The following AGBL4 variants were observed in gnomAD, a reference collection of about 807,000 sequenced individuals.
The protein encoded by AGBL4 is AGBL carboxypeptidase 4.
Under a neutral mutation model 66.4 loss-of-function variants are expected in AGBL4, and 58 were observed. The observed-to-expected ratio is 0.87, with a 90% CI of 0.71 to 1.09. The LOEUF (loss-of-function observed/expected upper bound fraction) is 1.09. AGBL4 is among the 50% of genes least tolerant of loss of function. The pLI, the probability that AGBL4 is intolerant of heterozygous loss-of-function variation, is 0.00. For missense variants in AGBL4, 579 were observed against 631.0 expected (o/e 0.92, Z 0.88); for synonymous variants, 234 against 222.9 (o/e 1.05, Z -0.44).
intron 5 of AGBL4, among the ~76,000 whole-genome samples, chr1:48,935,869 G>T (rs1427301102): frequency 7.1e-6 from 1 of 141,308 alleles, no homozygotes; most frequent in African/African-American, 2.6e-5. Flanking sequence ...TGAGGCAGGA[G>T]AATCGCTTGA....
chr1:49,249,999 A>C (rs1424026856), intron 3 of AGBL4, among the ~76,000 whole-genome samples: 2 of 152,224 alleles, frequency 1.3e-5, no homozygotes, highest in Non-Finnish European at 2.9e-5. Flanking sequence ...GCATGTTTTC[A>C]CTCAGATGTG....
At chr1:48,640,663 G>A (rs779261636) in intron 8 of AGBL4, among the ~76,000 whole-genome samples, 1 of 152,104 alleles carries the variant, frequency 6.6e-6, no homozygotes, top group Non-Finnish European at 1.5e-5. Context: ...TTGAACCCAG[G>A]TCTTGTTGAT....
At chr1:48,922,126 A>G (rs72895626) in intron 5 of AGBL4, among the ~76,000 whole-genome samples, 16,405 of 152,172 alleles carry the variant, frequency 0.11, 980 homozygotes, top group African/African-American at 0.13. Context: ...TGTGATTATC[A>G]ACTCTTCTCT....
chr1:49,946,066 C>T (rs562759213), intron 1 of AGBL4, among the ~76,000 whole-genome samples: 1 of 152,058 alleles, frequency 6.6e-6, no homozygotes, highest in South Asian at 2.1e-4. Flanking sequence ...AAAACAATTA[C>T]TACTAGATCT....
chr1:49,636,840 G>A (rs539703588), intron 3 of AGBL4, among the ~76,000 whole-genome samples: 1 of 152,242 alleles, frequency 6.6e-6, no homozygotes, highest in African/African-American at 2.4e-5. Context: ...TTAATACTGA[G>A]TGTCAACTTG....
intron 3 of AGBL4, among the ~76,000 whole-genome samples, chr1:49,541,153 G>T (rs1031752296): frequency 7.9e-5 from 12 of 152,208 alleles, no homozygotes; most frequent in African/African-American, 2.9e-4. Context: ...TACCTGGACT[G>T]TATTTGTGAG....
chr1:49,692,382 G>C (rs1305303117), intron 3 of AGBL4, among the ~76,000 whole-genome samples: 1 of 152,084 alleles, frequency 6.6e-6, no homozygotes, highest in Non-Finnish European at 1.5e-5. Flanking sequence ...CCATGGCCAG[G>C]ATGAAATTTC....
chr1:49,588,321 T>A (rs934473031), intron 3 of AGBL4, among the ~76,000 whole-genome samples: 1 of 152,212 alleles, frequency 6.6e-6, no homozygotes, highest in African/African-American at 2.4e-5. Context: ...TATTTGTGGA[T>A]GCTATAATTT....
chr1:48,793,645 A>T (rs1645603017), intron 6 of AGBL4, among the ~76,000 whole-genome samples: 1 of 152,182 alleles, frequency 6.6e-6, no homozygotes, highest in South Asian at 2.1e-4. Context: ...AACTCCACGG[A>T]CTGTTGCCAC....
chr1:49,860,662 G>A (rs1417889449), intron 1 of AGBL4, among the ~76,000 whole-genome samples: 1 of 152,060 alleles, frequency 6.6e-6, no homozygotes, highest in African/African-American at 2.4e-5. Context: ...TTGTGCCACT[G>A]CACTCCAGCC....
chr1:49,694,087 G>A (rs778294221), intron 3 of AGBL4, among the ~76,000 whole-genome samples: 1 of 152,046 alleles, frequency 6.6e-6, no homozygotes, highest in Non-Finnish European at 1.5e-5. Flanking sequence ...CAATATATTT[G>A]ATGCTGCAAT....
At position 48,533,076 on chromosome 1, in the gene AGBL4, T is replaced by G. The variant is rs2803261; in HGVS notation, c.*1097A>C. The G allele has an allele frequency of 0.43, 63,953 of 150,368 alleles. 13,849 individuals are homozygous for G. Among genetic ancestry groups the G allele is most frequent in the East Asian group, 0.58 (2,993 of 5,168 alleles). 9.3% of individuals were successfully genotyped at this position (150,368 alleles called of 1,614,324 possible). A position where few individuals can be genotyped will look rare whatever the true frequency, so the allele number is the denominator to read the frequency against. On this transcript the variant is annotated 3_prime_UTR_variant, in exon 14 of 14. Transcript: ENST00000371839. ...AACAAACAAACAAACAAAAAATGCT[T>G]TAGTGGAGCTCTGTGCTAAGGGATT...
chr1:49,611,076 G>A (rs1279033493), intron 3 of AGBL4, among the ~76,000 whole-genome samples: 9 of 152,166 alleles, frequency 5.9e-5, no homozygotes, highest in Non-Finnish European at 1.3e-4. Context: ...TAAGCATGAA[G>A]TGCCATGGGG....
At chr1:48,779,499 A>G (rs1251608648) in intron 6 of AGBL4, among the ~76,000 whole-genome samples, 2 of 152,120 alleles carry the variant, frequency 1.3e-5, no homozygotes, top group Non-Finnish European at 2.9e-5. Context: ...TTCTACTACA[A>G]TATTTTGTCC....
chr1:48,912,858 G>T (rs17105154), intron 5 of AGBL4, among the ~76,000 whole-genome samples: 14,257 of 151,958 alleles, frequency 0.094, 762 homozygotes, highest in Non-Finnish European at 0.11. Flanking sequence ...TAGGAATAGG[G>T]GTCTATTAGA....
chr1:49,348,017 T>G (rs1645670351), intron 3 of AGBL4, among the ~76,000 whole-genome samples: 1 of 152,176 alleles, frequency 6.6e-6, no homozygotes, highest in African/African-American at 2.4e-5. Context: ...AAATATTACT[T>G]TTTATGGCAA....
chr1:49,072,188 T>G (rs1333900530), intron 4 of AGBL4, among the ~76,000 whole-genome samples: 2 of 152,232 alleles, frequency 1.3e-5, no homozygotes, highest in Non-Finnish European at 2.9e-5. Context: ...GGGTCTTGAC[T>G]CTGTATCCAA....
intron 4 of AGBL4, among the ~76,000 whole-genome samples, chr1:49,063,898 T>C (rs932579943): frequency 2.0e-5 from 3 of 152,222 alleles, no homozygotes; most frequent in Admixed American, 6.5e-5. Flanking sequence ...AGGAACTTCA[T>C]TAGCTCTTTT....
At chr1:49,407,892 G>T (rs1029819961) in intron 3 of AGBL4, among the ~76,000 whole-genome samples, 1 of 152,236 alleles carries the variant, frequency 6.6e-6, no homozygotes. Context: ...TAATAACCCA[G>T]GTCTGTATTT....
Sources: gnomAD v4.1 joint callset for allele counts (sites outside exome capture counted in the v4.1 genomes callset) on GRCh38, gnomAD v4.1.1 for gene constraint, MANE v1.5 for transcripts, NCBI Gene and HGNC (gene_info 2026-07-23, HGNC 2026-07-21) for gene names.